GRM5: variants seen among roughly 807,000 people sequenced by gnomAD.
GRM5 encodes the protein glutamate metabotropic receptor 5, also known as metabotropic glutamate receptor 5.
A neutral mutation model predicts 83.1 loss-of-function variants in GRM5; 19 were observed. That is an observed-to-expected ratio of 0.23 (90% CI 0.16 to 0.34). GRM5 has a LOEUF of 0.34. GRM5 is among the 10% of genes least tolerant of loss of function. GRM5 has a pLI of 1.00. For missense variants in GRM5, 1,160 were observed against 1,588.3 expected, an observed-to-expected ratio of 0.73 and a Z score of 4.58; for synonymous variants, 675 against 633.6, an observed-to-expected ratio of 1.07 and a Z score of -0.98.
intron 2 of GRM5, among the ~76,000 whole-genome samples, chr11:88,855,223 T>C (rs1317637024): frequency 1.3e-5 from 2 of 151,922 alleles, no homozygotes; most frequent in Non-Finnish European, 2.9e-5. Flanking sequence ...ATTCACTGCA[T>C]AGAAGCTTGT....
chr11:88,914,637 C>G (rs1395377251), intron 2 of GRM5, among the ~76,000 whole-genome samples: 1 of 152,162 alleles, frequency 6.6e-6, no homozygotes. Context: ...TGCCCTGTTT[C>G]TCTGTTCCAT....
At chr11:88,642,031 T>C (rs76589244) in intron 4 of GRM5, among the ~76,000 whole-genome samples, 3,815 of 152,236 alleles carry the variant, frequency 0.025, 150 homozygotes, top group African/African-American at 0.085. Flanking sequence ...GGTTCTCTGT[T>C]GGGGCTCCAA....
Position 88,820,374 on chromosome 11 carries a change from C to CAAAAAAAAAAA in GRM5, c.911+29521_911+29531dup, listed in dbSNP as rs11457342. The stretch of plus-strand genomic sequence containing the variant: ...TGGGCAACAGAGCAAAACTCCATCT[C>CAAAAAAAAAAA]AAAAAAAAAAAAAAAAAAAGCCAAT... On this transcript the variant is annotated intron_variant, in intron 3 of 9. Coordinates refer to ENST00000305447, the MANE Select transcript of GRM5 (RefSeq NM_001143831.3). 4.4e-5 allele frequency among the ~76,000 whole-genome samples: 3 copies of CAAAAAAAAAAA among 68,924 alleles called. 1 individual carries two copies. The highest frequency in any genetic ancestry group is 6.0e-5 in the African/African-American group (1 of 16,794). The allele number at this position is 68,924 out of a possible 152,430, so 45.2% of individuals were successfully genotyped here.
chr11:88,759,178 A>G (rs1165780142), intron 3 of GRM5, among the ~76,000 whole-genome samples: 1 of 152,092 alleles, frequency 6.6e-6, no homozygotes, highest in Non-Finnish European at 1.5e-5. Context: ...ACAAGTCTAC[A>G]TAATAACCAG....
At chr11:88,779,971 T>C (rs1362647028) in intron 3 of GRM5, among the ~76,000 whole-genome samples, 1 of 152,124 alleles carries the variant, frequency 6.6e-6, no homozygotes, top group Non-Finnish European at 1.5e-5. Context: ...TTTTCTTTAA[T>C]CTCCTCAGAA....
chr11:88,652,311 TAC>T (rs928497628), intron 4 of GRM5, among the ~76,000 whole-genome samples: 7 of 152,058 alleles, frequency 4.6e-5, no homozygotes, highest in Admixed American at 4.6e-4. Context: ...TGTCAATTTT[TAC>T]AAACTTTAAC....
intron 7 of GRM5, among the ~76,000 whole-genome samples, chr11:88,589,664 A>G (rs1048410827): frequency 1.3e-5 from 2 of 152,220 alleles, no homozygotes; most frequent in African/African-American, 4.8e-5. Flanking sequence ...ACAACCTGAC[A>G]TACCACATGG....
chr11:88,624,802 T>C (rs534491261), intron 4 of GRM5, among the ~76,000 whole-genome samples: 1 of 152,370 alleles, frequency 6.6e-6, no homozygotes, highest in East Asian at 1.9e-4. Context: ...TTCCATGTGA[T>C]GTTCAATAAT....
intron 3 of GRM5, among the ~76,000 whole-genome samples, chr11:88,708,833 A>T (rs1388209707): frequency 6.6e-6 from 1 of 152,076 alleles, no homozygotes; most frequent in Non-Finnish European, 1.5e-5. Context: ...CATCACCCAT[A>T]ATATCTCTTT....
intron 4 of GRM5, among the ~76,000 whole-genome samples, chr11:88,644,778 T>C (rs2135291932): frequency 6.6e-6 from 1 of 152,058 alleles, no homozygotes; most frequent in Middle Eastern, 3.4e-3. Context: ...TGTGTAGAAA[T>C]ACTGAGAAGA....
chr11:88,553,151 G>A (rs1942549601), intron 8 of GRM5, among the ~76,000 whole-genome samples: 1 of 152,184 alleles, frequency 6.6e-6, no homozygotes, highest in Admixed American at 6.5e-5. Flanking sequence ...TCTGTTGTGA[G>A]TGAATGATGA....
intron 3 of GRM5, among the ~76,000 whole-genome samples, chr11:88,727,532 C>T (rs563018388): frequency 1.6e-4 from 24 of 152,158 alleles, no homozygotes; most frequent in African/African-American, 4.8e-4. Flanking sequence ...CTGGACCAAG[C>T]GGACCCAATA....
intron 3 of GRM5, among the ~76,000 whole-genome samples, chr11:88,662,502 G>C (rs943518292): frequency 5.3e-5 from 8 of 151,992 alleles, no homozygotes; most frequent in Non-Finnish European, 2.9e-5. Context: ...ACCTCTCTTA[G>C]TTATTCAATC....
chr11:88,810,208 G>T (rs1943565241), intron 3 of GRM5, among the ~76,000 whole-genome samples: 1 of 152,142 alleles, frequency 6.6e-6, no homozygotes, highest in South Asian at 2.1e-4. Flanking sequence ...TAATGGAAGG[G>T]TGCTATGTAT....
chr11:89,051,428 G>A (rs1284236370), intron 1 of GRM5, among the ~76,000 whole-genome samples: 2 of 152,026 alleles, frequency 1.3e-5, no homozygotes, highest in East Asian at 3.9e-4. Flanking sequence ...ATTTAATGTT[G>A]GCCAGGCGCG....
At chr11:88,992,450 T>A (rs1489016840) in intron 2 of GRM5, among the ~76,000 whole-genome samples, 4 of 152,126 alleles carry the variant, frequency 2.6e-5, no homozygotes, top group Admixed American at 6.6e-5. Context: ...ATTGTGGAAG[T>A]CAGTGTGGTG....
intron 2 of GRM5, among the ~76,000 whole-genome samples, chr11:88,995,219 G>A (rs1239573902): frequency 6.6e-6 from 1 of 152,010 alleles, no homozygotes; most frequent in Non-Finnish European, 1.5e-5. Context: ...AGCAAGAATT[G>A]GTTGTACAGA....
intron 3 of GRM5, among the ~76,000 whole-genome samples, chr11:88,663,822 CGG>C (rs1939967993): frequency 1.3e-5 from 2 of 152,102 alleles, no homozygotes; most frequent in Admixed American, 1.3e-4. Context: ...GGTGATTGCA[CGG>C]TGCTAAGTGC....
At chr11:88,726,677 C>T (rs1164023020) in intron 3 of GRM5, among the ~76,000 whole-genome samples, 1 of 152,166 alleles carries the variant, frequency 6.6e-6, no homozygotes, top group Non-Finnish European at 1.5e-5. Context: ...GCCCATCAGA[C>T]TAACAGTGGA....
Sources: allele counts gnomAD v4.1 joint callset (sites outside exome capture counted in the v4.1 genomes callset), GRCh38; gene constraint gnomAD v4.1.1; transcripts MANE v1.5; gene names NCBI Gene and HGNC (gene_info 2026-07-23, HGNC 2026-07-21).